The following EIF4G3 variants were observed in gnomAD, a reference collection of about 807,000 sequenced individuals.
The protein encoded by EIF4G3 is eIF-4-gamma 3.
EIF4G3 carries 34 observed loss-of-function variants against 186.4 expected under a neutral mutation model. The observed-to-expected ratio is 0.18, with a 90% CI of 0.14 to 0.24. EIF4G3 has a LOEUF of 0.24. Ranked by LOEUF, EIF4G3 falls within the 10% of genes least tolerant of loss-of-function variation. The probability of loss-of-function intolerance (pLI) is 1.00; values close to 1 mark genes in which losing one functional copy is unlikely to be tolerated. For synonymous variants in EIF4G3, 673 were observed against 679.5 expected (o/e 0.99, Z 0.15); for missense variants, 1,536 against 1,948.5 (o/e 0.79, Z 3.99).
chr1:20,924,272 T>A (rs1460094217), intron 14 of EIF4G3, among the ~76,000 whole-genome samples: 1 of 152,240 alleles, frequency 6.6e-6, no homozygotes, highest in Non-Finnish European at 1.5e-5. Context: ...TCTGCTGATA[T>A]GTTTGTTGAA....
chr1:21,077,227 T>C (rs1252009631), intron 3 of EIF4G3, among the ~76,000 whole-genome samples: 2 of 151,988 alleles, frequency 1.3e-5, no homozygotes, highest in South Asian at 2.1e-4. Flanking sequence ...TGTGACCCCA[T>C]AGCTACAAAA....
At chr1:20,926,596 G>A (rs2094907016) in intron 14 of EIF4G3, among the ~76,000 whole-genome samples, 1 of 151,636 alleles carries the variant, frequency 6.6e-6, no homozygotes, top group African/African-American at 2.4e-5. Context: ...GAGACCAGGA[G>A]GTCAACTCTG....
chr1:20,994,867 G>A (rs189867960), intron 7 of EIF4G3, among the ~76,000 whole-genome samples: 6 of 151,990 alleles, frequency 3.9e-5, no homozygotes, highest in African/African-American at 7.2e-5. Context: ...TCTAACTCTG[G>A]GGCTCAAGCG....
intron 4 of EIF4G3, chr1:21,003,546 G>T: frequency 3.9e-6 from 1 of 258,978 alleles, no homozygotes; most frequent in South Asian, 4.7e-5. Context: ...TATGTTGCTA[G>T]AAAAAGAATC....
chr1:21,122,947 T>A (rs1466219455), intron 2 of EIF4G3, among the ~76,000 whole-genome samples: 1 of 152,152 alleles, frequency 6.6e-6, no homozygotes, highest in African/African-American at 2.4e-5. Context: ...AGGGCAAAAT[T>A]ACACGGTTGG....
chr1:20,953,889 CAT>C (rs1430327979), intron 12 of EIF4G3, among the ~76,000 whole-genome samples: 2 of 152,128 alleles, frequency 1.3e-5, no homozygotes, highest in Non-Finnish European at 2.9e-5. Flanking sequence ...CCATAAATAA[CAT>C]GTTATTGGAA....
intron 2 of EIF4G3, among the ~76,000 whole-genome samples, chr1:21,113,405 C>A (rs1283116771): frequency 6.6e-6 from 1 of 151,606 alleles, no homozygotes; most frequent in African/African-American, 2.4e-5. Flanking sequence ...ATTTTGAAGT[C>A]TGTGGAAAAA....
intron 2 of EIF4G3, among the ~76,000 whole-genome samples, chr1:21,107,118 G>C (rs1174172099): frequency 6.6e-6 from 1 of 152,154 alleles, no homozygotes; most frequent in Non-Finnish European, 1.5e-5. Flanking sequence ...CTGGCAGATA[G>C]GAAAGCTCAA....
At chr1:20,930,737 T>C (rs910778261) in intron 14 of EIF4G3, among the ~76,000 whole-genome samples, 1 of 152,208 alleles carries the variant, frequency 6.6e-6, no homozygotes, top group Non-Finnish European at 1.5e-5. Context: ...GCTATTTCCA[T>C]CACATCTGCA....
chr1:20,858,167 A>G (rs1448340591), intron 24 of EIF4G3, among the ~76,000 whole-genome samples: 1 of 152,160 alleles, frequency 6.6e-6, no homozygotes, highest in Non-Finnish European at 1.5e-5. Context: ...GTAAAGTACA[A>G]AATTCGTCAC....
intron 7 of EIF4G3, among the ~76,000 whole-genome samples, chr1:20,989,958 C>T (rs1434693773): frequency 1.3e-5 from 2 of 152,082 alleles, no homozygotes; most frequent in Non-Finnish European, 2.9e-5. Flanking sequence ...GGGCGGATCA[C>T]CTGAGGTCAG....
chr1:21,171,953 G>C (rs2097983340), intron 2 of EIF4G3, among the ~76,000 whole-genome samples: 1 of 152,040 alleles, frequency 6.6e-6, no homozygotes, highest in Admixed American at 6.6e-5. Context: ...AAAAGGGCAA[G>C]GATATTACGA....
chr1:20,870,771 A>C (rs1391033455), intron 20 of EIF4G3, among the ~76,000 whole-genome samples: 1 of 152,226 alleles, frequency 6.6e-6, no homozygotes, highest in East Asian at 1.9e-4. Context: ...GAAATGCTGA[A>C]TTCTAGTTAA....
rs530269205 is a variant in EIF4G3, at chr1:20,808,556, C to T, written c.4745-1056G>A. The stretch of plus-strand genomic sequence containing the variant: ...ATTAGCCGGGCATGGTGGCGGGTGC[C>T]TGTAGTCTCAGCTACTAGGGAGGCT... On this transcript the variant is annotated intron_variant, in intron 36 of 36. Transcript: ENST00000602326. 3.3e-5 allele frequency among the ~76,000 whole-genome samples: 5 copies of T among 152,168 alleles called. No individual in the cohort carries two copies. The East Asian group carries it at 9.8e-4, about 30-fold the overall frequency.
At chr1:20,955,292 T>C (rs1212252077) in intron 12 of EIF4G3, among the ~76,000 whole-genome samples, 2 of 151,920 alleles carry the variant, frequency 1.3e-5, no homozygotes, top group Non-Finnish European at 2.9e-5. Context: ...AGTGCAGTGG[T>C]GCAATCACAG....
At chr1:20,985,197 T>G (rs2079184829) in intron 7 of EIF4G3, among the ~76,000 whole-genome samples, 1 of 152,186 alleles carries the variant, frequency 6.6e-6, no homozygotes, top group Non-Finnish European at 1.5e-5. Context: ...CCCTCAATCA[T>G]GACTGATTCC....
rs1468278838 is a variant in EIF4G3, at chr1:21,006,780, G to A, written c.-66-3972C>T. ...AGACAAAACAAACACAGCATATCAA[G>A]TATAACAAGACTCCAGATGTGATGG... On this transcript the variant is annotated intron_variant, in intron 4 of 36. Transcript: ENST00000602326. 7.9e-5 allele frequency among the ~76,000 whole-genome samples: 12 copies of A among 152,240 alleles called. No individual in the cohort carries two copies. The East Asian group carries it at 2.3e-3, about 29-fold the overall frequency.
intron 3 of EIF4G3, among the ~76,000 whole-genome samples, chr1:21,059,232 A>C (rs2094750018): frequency 6.6e-6 from 1 of 152,206 alleles, no homozygotes; most frequent in South Asian, 2.1e-4. Flanking sequence ...ACTCATACAC[A>C]GAAATAACAA....
intron 2 of EIF4G3, among the ~76,000 whole-genome samples, chr1:21,122,951 C>T (rs893065510): frequency 3.3e-5 from 5 of 152,088 alleles, no homozygotes; most frequent in African/African-American, 9.7e-5. Flanking sequence ...CAAAATTACA[C>T]GGTTGGAACA....
Sources: gnomAD v4.1 joint callset for allele counts (sites outside exome capture counted in the v4.1 genomes callset) on GRCh38, gnomAD v4.1.1 for gene constraint, MANE v1.5 for transcripts, NCBI Gene and HGNC (gene_info 2026-07-23, HGNC 2026-07-21) for gene names.